The following CIROZ variants were observed in gnomAD, a reference collection of about 807,000 sequenced individuals.
CIROZ encodes the protein ciliated left-right organizer protein containing ZP-N domains, also known as ciliated left-right organizer ZP-N domains-containing protein.
chr1:10,959,221 C>T, the CIROZ span, among the ~76,000 whole-genome samples: 28 of 152,306 alleles, frequency 1.8e-4, no homozygotes, highest in Admixed American at 1.7e-3. This position sits in a 1 kb window ranked among gnomAD's most constrained non-coding sequence, Gnocchi z 4.3. Context: ...CCCAATGGCA[C>T]CATTCTTAGG....
chr1:10,962,078 C>G, the CIROZ span, among the ~76,000 whole-genome samples: 1 of 152,178 alleles, frequency 6.6e-6, no homozygotes, highest in Non-Finnish European at 1.5e-5. Flanking sequence ...CTCCTCCTCA[C>G]AGACAGAAGA....
the CIROZ span, chr1:10,948,243 C>G: frequency 6.2e-7 from 1 of 1,613,968 alleles, no homozygotes; most frequent in Non-Finnish European, 8.5e-7. Context: ...CCTGGGGAGA[C>G]CAGGCCCTGT....
the CIROZ span, among the ~76,000 whole-genome samples, chr1:10,960,785 G>A: frequency 1.3e-5 from 2 of 152,214 alleles, no homozygotes; most frequent in African/African-American, 4.8e-5. The surrounding 1 kb of genome is among the most constrained non-coding windows in gnomAD (Gnocchi z 4.6). Flanking sequence ...TTAGCCAAGG[G>A]CAAGGCCGGT....
chr1:10,956,712 C>T, the CIROZ span, among the ~76,000 whole-genome samples: 2 of 151,952 alleles, frequency 1.3e-5, no homozygotes, highest in Admixed American at 6.6e-5. Flanking sequence ...CTCCTGACCT[C>T]GTAATCCACC....
chr1:10,958,929 G>T, the CIROZ span, among the ~76,000 whole-genome samples: 1 of 152,148 alleles, frequency 6.6e-6, no homozygotes, highest in Admixed American at 6.5e-5. Flanking sequence ...TGGGACTCGA[G>T]TGTCAACAGA....
the CIROZ span, among the ~76,000 whole-genome samples, chr1:10,968,276 T>C: frequency 6.6e-6 from 1 of 152,256 alleles, no homozygotes; most frequent in Non-Finnish European, 1.5e-5. Flanking sequence ...GTTTCTGTAA[T>C]TATCTTGTAT....
chr1:10,969,914 G>A, the CIROZ span: 1 of 1,473,154 alleles, frequency 6.8e-7, no homozygotes, highest in Admixed American at 2.5e-5. Context: ...GCAGGCAGGG[G>A]AAGGCAACAC....
the CIROZ span, chr1:10,976,337 CTTT>C: frequency 3.8e-4 from 272 of 709,386 alleles, no homozygotes; most frequent in Middle Eastern, 8.5e-4. Flanking sequence ...CATTATATTT[CTTT>C]TTTTTTTTTT....
the CIROZ span, chr1:10,949,358 G>A: frequency 3.8e-6 from 2 of 523,852 alleles, no homozygotes; most frequent in South Asian, 2.1e-5. Context: ...TCCTTTGGCT[G>A]TGTCTCAAGG....
the CIROZ span, among the ~76,000 whole-genome samples, chr1:10,975,157 C>T: frequency 6.6e-6 from 1 of 152,146 alleles, no homozygotes; most frequent in African/African-American, 2.4e-5. Flanking sequence ...CCTGTAATCC[C>T]AGCACTCTGG....
chr1:10,978,482 G>T, the CIROZ span, among the ~76,000 whole-genome samples: 4 of 151,940 alleles, frequency 2.6e-5, no homozygotes, highest in African/African-American at 9.6e-5. Context: ...ACTGAGGCAG[G>T]AGGATCACTT....
chr1:10,963,769 A>G, the CIROZ span, among the ~76,000 whole-genome samples: 1 of 151,986 alleles, frequency 6.6e-6, no homozygotes, highest in South Asian at 2.1e-4. Context: ...TAGCAAATTT[A>G]GCAAATTTTT....
At chr1:10,957,050 A>T in the CIROZ span, 1 of 1,551,100 alleles carries the variant, frequency 6.4e-7, no homozygotes, top group Non-Finnish European at 8.7e-7. Context: ...TCTAAAGAAT[A>T]GGCATGGTGA....
the CIROZ span, chr1:10,949,662 G>A: frequency 2.2e-5 from 35 of 1,607,190 alleles, no homozygotes; most frequent in East Asian, 6.7e-5. Flanking sequence ...AGGAGGTCCC[G>A]AGAAAGCCAT....
the CIROZ span, chr1:10,958,668 A>G: frequency 6.2e-7 from 1 of 1,609,400 alleles, no homozygotes; most frequent in South Asian, 1.1e-5. Context: ...GTCCTAGCAG[A>G]AACTTCCAGA....
the CIROZ span, among the ~76,000 whole-genome samples, chr1:10,952,428 G>C: frequency 2.0e-5 from 3 of 152,090 alleles, no homozygotes; most frequent in Admixed American, 6.5e-5. Context: ...TCAAGGACCT[G>C]CCCTCTCATC....
chr1:10,951,322 C>T, the CIROZ span, among the ~76,000 whole-genome samples: 4 of 151,930 alleles, frequency 2.6e-5, no homozygotes, highest in Non-Finnish European at 2.9e-5. Flanking sequence ...CCCAGCAGTA[C>T]GGGAGGCTGA....
At chr1:10,948,356 CCT>C in the CIROZ span, 1 of 1,613,524 alleles carries the variant, frequency 6.2e-7, no homozygotes, top group Non-Finnish European at 8.5e-7. Flanking sequence ...CCCGCCAGGG[CCT>C]CGCCAATGGC....
chr1:10,965,021 G>A, the CIROZ span, among the ~76,000 whole-genome samples: 1 of 152,172 alleles, frequency 6.6e-6, no homozygotes, highest in Non-Finnish European at 1.5e-5. Flanking sequence ...AAGGCATGTG[G>A]CCATTTCTGA....
Sources: gnomAD v4.1 joint callset for allele counts (sites outside exome capture counted in the v4.1 genomes callset) on GRCh38, gnomAD v4.1.1 for gene constraint, Gnocchi (gnomAD v3.1) non-coding constraint, MANE v1.5 for transcripts, NCBI Gene and HGNC (gene_info 2026-07-23, HGNC 2026-07-21) for gene names.